Variants in DCDC1 observed in about 807,000 individuals in gnomAD.
The protein encoded by DCDC1 is doublecortin domain-containing protein 1.
A neutral mutation model predicts 178.3 loss-of-function variants in DCDC1; 200 were observed. The ratio of observed to expected loss-of-function variants is 1.12; its 90% CI spans 1.00 to 1.26. The LOEUF (loss-of-function observed/expected upper bound fraction) is 1.26. Among genes scored for constraint, DCDC1 ranks in the 50% most tolerant of loss-of-function variants. The pLI, the probability that DCDC1 is intolerant of heterozygous loss-of-function variation, is 0.00. For synonymous variants in DCDC1, 690 were observed against 604.8 expected, an observed-to-expected ratio of 1.14 and a Z score of -2.07; for missense variants, 1,983 against 1,749.2, an observed-to-expected ratio of 1.13 and a Z score of -2.38.
At chr11:30,899,759 G>A in intron 33 of DCDC1, 117 bp from the exon 34 acceptor site, 2 of 733,606 alleles carry the variant, frequency 2.7e-6, no homozygotes, top group South Asian at 7.5e-5. Context: ...GTAATTAAAA[G>A]GTAAGGGTCA....
At position 31,078,068 on chromosome 11, in the gene DCDC1, T is replaced by C. The variant is rs534146493; in HGVS notation, c.2238-143A>G. 3.8e-5 allele frequency: 24 copies of C among 639,140 alleles called. 1 individual carries two copies. The highest frequency in any genetic ancestry group is 3.7e-4 in the South Asian group (20 of 54,438). 39.6% of individuals were successfully genotyped at this position (639,140 alleles called of 1,614,324 possible). ...AAAGATTCTGCCACCATCACTTTTA[T>C]CTCAGCAGCTAAAGCTTTCCCTAAG... On this transcript the variant is annotated intron_variant, in intron 17 of 38. Transcript: ENST00000684477.
Position 31,305,686 on chromosome 11 carries a change from T to C in DCDC1, c.683A>G (p.Asp228Gly). Residue 228 changes from aspartate (D) to glycine (G), a missense_variant, in exon 6 of 39, where the codon GAT becomes GGT. Physicochemically the swap from Asp to Gly is moderately conservative, Grantham distance 94. Coordinates refer to ENST00000684477, the MANE Select transcript of DCDC1 (RefSeq NM_001387274.1). ...ATAAACATCGGCTTCATGGGGTATA[T>C]CTTCAGGTTCGAGGGCTTCCTTGCC... ...ADGKEALEPEDIPHEADVYVS... is the reference protein window; with the variant it reads ...ADGKEALEPEGIPHEADVYVS... 1 of 1,613,890 alleles carries C rather than the reference T, an allele frequency of 6.2e-7. No homozygotes were observed. Among genetic ancestry groups the C allele is most frequent in the South Asian group, 1.1e-5 (1 of 91,080 alleles).
intron 8 of DCDC1, among the ~76,000 whole-genome samples, chr11:31,247,039 A>G (rs955357506): frequency 2.0e-5 from 3 of 152,074 alleles, no homozygotes; most frequent in Non-Finnish European, 4.4e-5. Flanking sequence ...GTGTTATAAT[A>G]CTGCTGTAAG....
chr11:31,216,246 T>C (rs1057406207), intron 9 of DCDC1, among the ~76,000 whole-genome samples: 2 of 152,122 alleles, frequency 1.3e-5, no homozygotes, highest in Non-Finnish European at 2.9e-5. Flanking sequence ...ATGGGCATGA[T>C]AGACATGGGT....
chr11:30,912,548 G>C (rs1056416907), intron 27 of DCDC1, among the ~76,000 whole-genome samples: 8 of 152,174 alleles, frequency 5.3e-5, no homozygotes, highest in African/African-American at 1.9e-4. Context: ...CTCCCAAAGT[G>C]CTGGGATTAC....
intron 9 of DCDC1, among the ~76,000 whole-genome samples, chr11:31,172,845 A>C (rs1008482157): frequency 6.6e-6 from 1 of 152,184 alleles, no homozygotes; most frequent in African/African-American, 2.4e-5. Context: ...GAGAGACAGA[A>C]GAAAATCTGC....
At chr11:31,139,520 A>C (rs1963568700) in intron 9 of DCDC1, among the ~76,000 whole-genome samples, 1 of 152,078 alleles carries the variant, frequency 6.6e-6, no homozygotes, top group Non-Finnish European at 1.5e-5. Context: ...GGGACTGGAG[A>C]ATATTTACCA....
At chr11:30,980,700 C>G (rs1324211366) in intron 20 of DCDC1, among the ~76,000 whole-genome samples, 2 of 151,976 alleles carry the variant, frequency 1.3e-5, no homozygotes, top group African/African-American at 4.8e-5. Context: ...GAAAAGAATG[C>G]CTTTGACATA....
At chr11:31,049,192 T>C (rs571849057) in intron 20 of DCDC1, among the ~76,000 whole-genome samples, 102 of 152,274 alleles carry the variant, frequency 6.7e-4, no homozygotes, top group Non-Finnish European at 1.2e-3. Context: ...TCTTATTTGA[T>C]CAGGTTAGTT....
chr11:31,334,704 C>A (rs545449817), intron 2 of DCDC1, among the ~76,000 whole-genome samples: 2 of 152,266 alleles, frequency 1.3e-5, no homozygotes, highest in Admixed American at 1.3e-4. Context: ...CTGGGTATCA[C>A]CAGCAGAGGA....
At chr11:31,346,668 C>A (rs1950833201) in intron 1 of DCDC1, among the ~76,000 whole-genome samples, 1 of 151,964 alleles carries the variant, frequency 6.6e-6, no homozygotes, top group South Asian at 2.1e-4. Context: ...ATAAATGGTA[C>A]TACCATGATA....
rs1008801220 is a variant in DCDC1 at position 31,010,352 on chromosome 11, T to G, written c.2591+54117A>C. On this transcript the variant is annotated intron_variant, in intron 20 of 38. Transcript: ENST00000684477. ...CCCTCAGGTTGTTAGGAGAACTCAC[T>G]TCCCTGCAGCTGCATGACTGAGGAC... is the stretch of plus-strand genomic sequence containing the variant. 5.3e-5 allele frequency among the ~76,000 whole-genome samples: 8 copies of G among 152,338 alleles called. 1 individual carries two copies. The South Asian group carries it at 1.7e-3, about 32-fold the overall frequency.
At chr11:31,053,322 G>C (rs546108432) in intron 20 of DCDC1, among the ~76,000 whole-genome samples, 1 of 152,046 alleles carries the variant, frequency 6.6e-6, no homozygotes, top group Non-Finnish European at 1.5e-5. Flanking sequence ...CAAGCAGTGA[G>C]ATTGAAATGG....
intron 32 of DCDC1, among the ~76,000 whole-genome samples, chr11:30,901,134 G>A (rs2134110023): frequency 6.6e-6 from 1 of 152,214 alleles, no homozygotes; most frequent in Admixed American, 6.5e-5. Flanking sequence ...CATATAGTGA[G>A]AAATTCCATA....
chr11:31,358,919 A>C (rs1407409162), intron 1 of DCDC1, among the ~76,000 whole-genome samples: 2 of 152,232 alleles, frequency 1.3e-5, no homozygotes, highest in African/African-American at 2.4e-5. Flanking sequence ...GCAATCATTA[A>C]AAAGTCAGGA....
At chr11:31,272,036 C>A (rs578133980) in intron 7 of DCDC1, among the ~76,000 whole-genome samples, 154 of 152,134 alleles carry the variant, frequency 1.0e-3, no homozygotes, top group Non-Finnish European at 1.7e-3. Context: ...GTGGCGGGCA[C>A]CTGTAATCCC....
intron 25 of DCDC1, among the ~76,000 whole-genome samples, chr11:30,919,846 C>T (rs1177019916): frequency 6.6e-6 from 1 of 152,164 alleles, no homozygotes; most frequent in East Asian, 1.9e-4. Context: ...GAAACACATT[C>T]AATCTTTCAT....
At chr11:31,119,556 CA>C (rs1487206126) in intron 11 of DCDC1, among the ~76,000 whole-genome samples, 1 of 151,704 alleles carries the variant, frequency 6.6e-6, no homozygotes, top group Non-Finnish European at 1.5e-5. Flanking sequence ...AAACACCAAC[CA>C]AAAAAAATCT....
At position 30,864,360 on chromosome 11, in the gene DCDC1, G is replaced by A. The variant is rs1940825663; in HGVS notation, c.*1013C>T. On this transcript the variant is annotated 3_prime_UTR_variant, in exon 39 of 39. Transcript: ENST00000684477. ...AAGATATATTTTAAGGATATAAGAT[G>A]TCTAGTTTATACCATGACATTTCTT... The A allele has an allele frequency of 6.6e-6, 1 of 152,220 alleles. No homozygotes were observed. Among genetic ancestry groups the A allele is most frequent in the African/African-American group, 2.4e-5 (1 of 41,452 alleles). The allele number at this position is 152,220 out of a possible 1,614,324, so 9.4% of individuals were successfully genotyped here. A position where few individuals can be genotyped will look rare whatever the true frequency, so the allele number is the denominator to read the frequency against.
Sources: gnomAD v4.1 joint callset for allele counts (sites outside exome capture counted in the v4.1 genomes callset) on GRCh38, gnomAD v4.1.1 for gene constraint, MANE v1.5 for transcripts, NCBI Gene and HGNC (gene_info 2026-07-23, HGNC 2026-07-21) for gene names.